Variants in KIF3B observed in about 807,000 individuals in gnomAD.
KIF3B encodes kinesin family member 3B, also known as kinesin-like protein KIF3B.
Under a neutral mutation model 74.3 loss-of-function variants are expected in KIF3B, and 38 were observed. The observed-to-expected ratio is 0.51, with a 90% CI of 0.39 to 0.67. The LOEUF (loss-of-function observed/expected upper bound fraction) is 0.67. KIF3B is among the 30% of genes least tolerant of loss of function. KIF3B has a pLI of 0.00. For synonymous variants in KIF3B, 326 were observed against 342.5 expected (o/e 0.95, Z 0.53); for missense variants, 649 against 932.0 (o/e 0.70, Z 3.95).
In KIF3B at chr20:32,311,097, G is replaced by A. The variant is rs758426820; in HGVS notation, c.1320G>A (p.Met440Ile). 8.7e-6 allele frequency: 14 copies of A among 1,613,808 alleles called. No individual in the cohort carries two copies. In the East Asian group the frequency reaches 2.9e-4, roughly 33 times the overall value. ...ACAGCTTGGTTGCAGAGGAGAAGATGAGGCTGCTGAAGGAGAAAGAGAAAA... is the reference window on the plus strand; with the variant it reads ...ACAGCTTGGTTGCAGAGGAGAAGATAAGGCTGCTGAAGGAGAAAGAGAAAA... ...EDHSLVAEEK[M>I]RLLKEKEKKM... Residue 440 changes from methionine to isoleucine, a missense_variant, in exon 2 of 9, where the codon ATG becomes ATA. Physicochemically the swap from Met to Ile is conservative, Grantham distance 10. Coordinates refer to ENST00000375712, the MANE Select transcript of KIF3B (RefSeq NM_004798.4).
chr20:32,323,883 A>G (rs532371607), intron 5 of KIF3B, among the ~76,000 whole-genome samples: 1 of 152,128 alleles, frequency 6.6e-6, no homozygotes, highest in East Asian at 1.9e-4. Flanking sequence ...CATCTCAAAA[A>G]GTATATATAT....
chr20:32,285,018 A>G (rs1179162984), intron 1 of KIF3B, among the ~76,000 whole-genome samples: 1 of 150,166 alleles, frequency 6.7e-6, no homozygotes, highest in East Asian at 2.0e-4. Flanking sequence ...TCTGTTTTTC[A>G]GGTGGGCAGT....
chr20:32,328,900 A>G (rs2047916894), intron 7 of KIF3B, among the ~76,000 whole-genome samples: 1 of 152,128 alleles, frequency 6.6e-6, no homozygotes, highest in South Asian at 2.1e-4. Context: ...TTTTAATTAA[A>G]TTAAATTAAT....
chr20:32,286,583 G>T (rs1056979709), intron 1 of KIF3B, among the ~76,000 whole-genome samples: 1 of 151,694 alleles, frequency 6.6e-6, no homozygotes, highest in Non-Finnish European at 1.5e-5. Flanking sequence ...AATTTTTTCC[G>T]ATTATAAAAA....
chr20:32,291,489 A>G (rs1192932033), intron 1 of KIF3B, among the ~76,000 whole-genome samples: 1 of 152,176 alleles, frequency 6.6e-6, no homozygotes, highest in Non-Finnish European at 1.5e-5. Context: ...ACTTTATCTG[A>G]AAATATTCTT....
intron 5 of KIF3B, among the ~76,000 whole-genome samples, chr20:32,320,950 C>T (rs531926165): frequency 6.6e-6 from 1 of 152,154 alleles, no homozygotes; most frequent in African/African-American, 2.4e-5. Flanking sequence ...GTTTCATTCT[C>T]TTAGATCCTC....
intron 1 of KIF3B, among the ~76,000 whole-genome samples, chr20:32,281,304 A>G (rs2047641871): frequency 6.6e-6 from 1 of 152,160 alleles, no homozygotes; most frequent in South Asian, 2.1e-4. Flanking sequence ...TTCACGTTGA[A>G]ATCCAGTCTT....
intron 2 of KIF3B, among the ~76,000 whole-genome samples, chr20:32,312,031 G>C (rs2122694537): frequency 6.6e-6 from 1 of 151,882 alleles, no homozygotes; most frequent in East Asian, 1.9e-4. Flanking sequence ...TCGAACTCCT[G>C]ACCTCAGGTA....
chr20:32,291,834 C>G (rs1156518471), intron 1 of KIF3B, among the ~76,000 whole-genome samples: 1 of 152,080 alleles, frequency 6.6e-6, no homozygotes, highest in African/African-American at 2.4e-5. Flanking sequence ...CTAGGCTGGT[C>G]TTGAACTCCT....
In KIF3B at chr20:32,310,033, C is replaced by A. The variant is rs767701944; in HGVS notation, c.256C>A (p.Gln86Lys). ...TFRPLVDSVL[Q>K]GFNGTIFAYG... The stretch of plus-strand genomic sequence containing the variant: ...CCGACCACTTGTTGACTCTGTCCTG[C>A]AAGGTTTCAATGGAACCATTTTTGC... Residue 86 changes from glutamine to lysine, a missense_variant, in exon 2 of 9, where the codon CAA (glutamine) becomes AAA (lysine). Gln to Lys is a moderately conservative substitution (Grantham distance 53). Transcript: ENST00000375712. The surrounding 1 kb of genome is among the most constrained non-coding windows in gnomAD (Gnocchi z 6.5). The A allele has an allele frequency of 1.2e-6, 2 of 1,614,122 alleles. No homozygotes were observed. The highest frequency in any genetic ancestry group is 1.6e-4 in the Middle Eastern group (1 of 6,062).
intron 1 of KIF3B, among the ~76,000 whole-genome samples, chr20:32,292,091 G>A (rs1037632105): frequency 8.6e-5 from 13 of 151,424 alleles, no homozygotes; most frequent in African/African-American, 1.5e-4. Flanking sequence ...ATATACCACC[G>A]CACCTGGCTA....
At chr20:32,299,397 A>AT (rs2047731615) in intron 1 of KIF3B, among the ~76,000 whole-genome samples, 4 of 31,402 alleles carry the variant, frequency 1.3e-4, no homozygotes, top group East Asian at 5.3e-3. Context: ...ATATATATAT[A>AT]TATATATTTT....
At chr20:32,315,591 T>C (rs1316641572) in intron 2 of KIF3B, among the ~76,000 whole-genome samples, 1 of 152,124 alleles carries the variant, frequency 6.6e-6, no homozygotes, top group African/African-American at 2.4e-5. Flanking sequence ...TGTACACCTG[T>C]AGTCCCAGCT....
chr20:32,322,814 ATATATATTTATATGTATATTTT>A, intron 5 of KIF3B, among the ~76,000 whole-genome samples: 1 of 54,102 alleles, frequency 1.8e-5, no homozygotes, highest in Non-Finnish European at 2.7e-5. Flanking sequence ...ATATATATTT[ATATATATTTATATGTATATTTT>A]TATATATTTA....
intron 5 of KIF3B, among the ~76,000 whole-genome samples, chr20:32,325,120 C>G (rs1226665789): frequency 6.6e-6 from 1 of 152,068 alleles, no homozygotes; most frequent in African/African-American, 2.4e-5. Flanking sequence ...ACAAAATATA[C>G]CAACATAATA....
At chr20:32,319,543 CAT>C (rs1555896430) in intron 5 of KIF3B, among the ~76,000 whole-genome samples, 10 of 142,728 alleles carry the variant, frequency 7.0e-5, no homozygotes, top group East Asian at 2.1e-4. Context: ...CACACACACA[CAT>C]ATGTGTATAT....
chr20:32,300,863 G>A (rs116578364), intron 1 of KIF3B, among the ~76,000 whole-genome samples: 2,023 of 151,328 alleles, frequency 0.013, 46 homozygotes, highest in African/African-American at 0.046. Flanking sequence ...TGTTGTTGTT[G>A]TTGTTGTTTA....
intron 1 of KIF3B, among the ~76,000 whole-genome samples, chr20:32,281,298 C>T (rs1045935911): frequency 2.0e-5 from 3 of 152,290 alleles, no homozygotes; most frequent in East Asian, 1.9e-4. Flanking sequence ...GCCCATTTCA[C>T]GTTGAAATCC....
chr20:32,307,911 T>G (rs1343025764), intron 1 of KIF3B, among the ~76,000 whole-genome samples: 1 of 137,050 alleles, frequency 7.3e-6, no homozygotes, highest in Non-Finnish European at 1.5e-5. Context: ...AAAGCAGGAC[T>G]CTGTCTCAAA....
Sources: allele counts gnomAD v4.1 joint callset (sites outside exome capture counted in the v4.1 genomes callset), GRCh38; gene constraint gnomAD v4.1.1; non-coding constraint Gnocchi (gnomAD v3.1); transcripts MANE v1.5; gene names NCBI Gene and HGNC (gene_info 2026-07-23, HGNC 2026-07-21).